CPLX3: variants seen among roughly 807,000 people sequenced by gnomAD.
The protein encoded by CPLX3 is complexin 3, also known as complexin-3.
CPLX3 carries 12 observed loss-of-function variants against 17.2 expected under a neutral mutation model. That is an observed-to-expected ratio of 0.70 (90% CI 0.45 to 1.13). The LOEUF (loss-of-function observed/expected upper bound fraction) is 1.13, where lower values mean the gene tolerates loss of function less well. Ranked by LOEUF, CPLX3 falls within the 50% of genes most tolerant of loss-of-function variation. CPLX3 has a pLI of 0.00. For synonymous variants in CPLX3, 75 were observed against 79.4 expected (o/e 0.94, Z 0.29); for missense variants, 172 against 203.2 (o/e 0.85, Z 0.93).
At chr15:74,827,168 C>T (rs1418028580) in intron 1 of CPLX3, among the ~76,000 whole-genome samples, 2 of 152,206 alleles carry the variant, frequency 1.3e-5, no homozygotes, top group Admixed American at 1.3e-4. Context: ...ACGATAATCC[C>T]TTAATCCGAT....
Position 74,826,632 on chromosome 15 carries a change from T to C in CPLX3, c.-72T>C. 6.0e-6 allele frequency: 9 copies of C among 1,501,706 alleles called. No homozygotes were observed. The highest frequency in any genetic ancestry group is 8.0e-6 in the Non-Finnish European group (9 of 1,118,996). The allele number at this position is 1,501,706 out of a possible 1,614,324, so 93.0% of individuals were successfully genotyped here. Reference sequence around the variant, plus strand: ...GGGAGCTGTCCGCGAAACCTAGTGCTGAAGTAGGCGCGGACGTGCCCGGTG... The same window carrying C: ...GGGAGCTGTCCGCGAAACCTAGTGCCGAAGTAGGCGCGGACGTGCCCGGTG... On this transcript the variant is annotated 5_prime_UTR_variant, in exon 1 of 3. Coordinates refer to ENST00000395018, the MANE Select transcript of CPLX3 (RefSeq NM_001030005.3). The surrounding 1 kb of genome is among the most constrained non-coding windows in gnomAD (Gnocchi z 5.0).
intron 2 of CPLX3, among the ~76,000 whole-genome samples, chr15:74,829,589 C>G (rs1264225268): frequency 6.6e-6 from 1 of 152,170 alleles, no homozygotes; most frequent in Non-Finnish European, 1.5e-5. Flanking sequence ...GCACCCAGCT[C>G]AACGTCTGCC....
At chr15:74,828,211 G>A in intron 2 of CPLX3, 90 bp downstream of exon 2, 1 of 944,680 alleles carries the variant, frequency 1.1e-6, no homozygotes, top group Non-Finnish European at 1.7e-6. Context: ...ACAGCCCTCA[G>A]CTATGAGACT....
Position 74,830,433 on chromosome 15 carries a change from A to C in CPLX3, c.*79A>C, listed in dbSNP as rs952633307. On this transcript the variant is annotated 3_prime_UTR_variant, in exon 3 of 3. Transcript: ENST00000395018. ...GTCAACTTCCAGGGACCCATACTCC[A>C]TTTGGGGCTTTGTTTCCCTTGCCCC... The C allele has an allele frequency of 1.8e-5, 21 of 1,196,754 alleles. No individual in the cohort carries two copies. Among genetic ancestry groups the C allele is most frequent in the South Asian group, 6.9e-5 (5 of 72,472 alleles). The allele number at this position is 1,196,754 out of a possible 1,614,324, so 74.1% of individuals were successfully genotyped here. A position where few individuals can be genotyped will look rare whatever the true frequency, so the allele number is the denominator to read the frequency against.
In CPLX3 at chr15:74,826,856, CGTGGAAGAGA is replaced by C; in HGVS notation, c.154_163del (p.Val52ArgfsTer54). On this transcript the variant is annotated frameshift_variant and splice_region_variant, in exon 1 of 3. Transcript: ENST00000395018. LOFTEE classifies it high-confidence loss of function. This position sits in a 1 kb window ranked among gnomAD's most constrained non-coding sequence, Gnocchi z 5.0. The stretch of plus-strand genomic sequence containing the variant: ...AGTACGAGGAGTATCAGAAGCAACT[CGTGGAAGAGA>C]AGTGAGTGGGATCCCTTCCTGGCTC... The C allele has an allele frequency of 6.3e-7, 1 of 1,598,622 alleles. No individual in the cohort carries two copies. The highest frequency in any genetic ancestry group is 8.5e-7 in the Non-Finnish European group (1 of 1,172,614).
intron 1 of CPLX3, among the ~76,000 whole-genome samples, chr15:74,827,573 G>T (rs545399143): frequency 6.6e-6 from 1 of 152,110 alleles, no homozygotes; most frequent in Non-Finnish European, 1.5e-5. Context: ...CTATTATTTC[G>T]CTCAATCCTG....
chr15:74,828,098 C>G lies in CPLX3; in HGVS notation c.229C>G (p.Arg77Gly). 1 of 1,601,616 alleles carries G rather than the reference C, an allele frequency of 6.2e-7. No homozygotes were observed. The highest frequency in any genetic ancestry group is 1.1e-5 in the South Asian group (1 of 88,828). ...AERATLRSHFRDKYRLPKNET... is the reference protein window; with the variant it reads ...AERATLRSHFGDKYRLPKNET... ...GCGGGCCACACTGCGGAGCCACTTC[C>G]GAGACAAATACCGGCTACCCAAGGT... The change falls in exon 2 of 3, where the codon CGA (arginine) becomes GGA (glycine). Residue 77 changes from arginine to glycine, a missense_variant. Coordinates refer to ENST00000395018, the MANE Select transcript of CPLX3 (RefSeq NM_001030005.3).
rs780059071 is a variant in CPLX3 at position 74,828,041 on chromosome 15, C to T, written c.172C>T (p.Arg58Trp). ...QKQLVEEKMERDAQFTQRKAE... is the reference protein window; with the variant it reads ...QKQLVEEKMEWDAQFTQRKAE... The stretch of plus-strand genomic sequence containing the variant: ...CCTCCGGTGACCCTGCAGGATGGAG[C>T]GGGATGCACAGTTCACACAGAGGAA... Residue 58 changes from arginine to tryptophan, a missense_variant, in exon 2 of 3, where the codon CGG becomes TGG. Coordinates refer to ENST00000395018, the MANE Select transcript of CPLX3 (RefSeq NM_001030005.3). 2.3e-5 allele frequency: 37 copies of T among 1,605,760 alleles called. No homozygotes were observed. The highest frequency in any genetic ancestry group is 2.9e-5 in the Non-Finnish European group (34 of 1,176,016).
At position 74,826,895 on chromosome 15, in the gene CPLX3, C is replaced by A. The variant is rs71399802; in HGVS notation, c.164+28C>A. 6.3e-7 allele frequency: 1 copy of A among 1,586,040 alleles called. No homozygotes were observed. The highest frequency in any genetic ancestry group is 2.4e-5 in the East Asian group (1 of 41,566). ...GAGTGGGATCCCTTCCTGGCTCCAACGACCTCCCCTCCCCACCCCCACAGC... is the reference window on the plus strand; with the variant it reads ...GAGTGGGATCCCTTCCTGGCTCCAAAGACCTCCCCTCCCCACCCCCACAGC... On this transcript the variant is annotated intron_variant, in intron 1 of 2. Coordinates refer to ENST00000395018, the MANE Select transcript of CPLX3 (RefSeq NM_001030005.3). This position sits in a 1 kb window ranked among gnomAD's most constrained non-coding sequence, Gnocchi z 5.0.
rs997320576 is a variant in CPLX3, at chr15:74,830,528, G to A, written c.*174G>A. 4.9e-6 allele frequency: 3 copies of A among 609,076 alleles called. No individual in the cohort carries two copies. The highest frequency in any genetic ancestry group is 4.4e-4 in the Middle Eastern group (1 of 2,254). 37.7% of individuals were successfully genotyped at this position (609,076 alleles called of 1,614,324 possible). A position where few individuals can be genotyped will look rare whatever the true frequency, so the allele number is the denominator to read the frequency against. Reference sequence around the variant, plus strand: ...TCTGGTTTCTTCCTCTCCGCTGGGAGTAAAGTCCCCATCTTCACTCTACCC... The same window carrying A: ...TCTGGTTTCTTCCTCTCCGCTGGGAATAAAGTCCCCATCTTCACTCTACCC... On this transcript the variant is annotated 3_prime_UTR_variant, in exon 3 of 3. Coordinates refer to ENST00000395018, the MANE Select transcript of CPLX3 (RefSeq NM_001030005.3).
intron 1 of CPLX3, 83 bp from the exon 2 acceptor site, chr15:74,827,951 G>A (rs2063950881): frequency 2.6e-6 from 3 of 1,142,766 alleles, no homozygotes; most frequent in Non-Finnish European, 3.9e-6. Flanking sequence ...CTAGGACTCA[G>A]AGACCCCTTC....
chr15:74,828,111 G>A lies in CPLX3; in HGVS notation c.242G>A (p.Arg81Gln), dbSNP rs776442934. 30 of 1,591,548 alleles carry A rather than the reference G, an allele frequency of 1.9e-5. No homozygotes were observed. Among genetic ancestry groups the A allele is most frequent in the East Asian group, 1.1e-4 (5 of 43,842 alleles). ...CGGAGCCACTTCCGAGACAAATACCGGCTACCCAAGGTAAGCTGGCCCCGG... is the reference window on the plus strand; with the variant it reads ...CGGAGCCACTTCCGAGACAAATACCAGCTACCCAAGGTAAGCTGGCCCCGG... Reference protein sequence around the residue: ...TLRSHFRDKYRLPKNETDESQ... With the variant: ...TLRSHFRDKYQLPKNETDESQ... Residue 81 changes from arginine (R) to glutamine (Q), a missense_variant, in exon 2 of 3, where the codon CGG becomes CAG. By Grantham distance (43) the Arg-to-Gln change is conservative (BLOSUM62 1). Coordinates refer to ENST00000395018, the MANE Select transcript of CPLX3 (RefSeq NM_001030005.3).
intron 2 of CPLX3, among the ~76,000 whole-genome samples, chr15:74,828,581 C>A (rs1168848042): frequency 3.3e-5 from 5 of 152,132 alleles, no homozygotes; most frequent in African/African-American, 2.4e-5. Flanking sequence ...ACCTTCATGT[C>A]CTCATCTAAC....
At chr15:74,828,163 C>A in intron 2 of CPLX3, 42 bp downstream of exon 2, 1 of 1,509,654 alleles carries the variant, frequency 6.6e-7, no homozygotes, top group Non-Finnish European at 9.0e-7. Flanking sequence ...GGACCCTGAG[C>A]TCTGGGTTCT....
In CPLX3 at chr15:74,826,832, G is replaced by A. The variant is rs1209239506; in HGVS notation, c.129G>A (p.Glu43=). ...AAEAQGMSRE[E]YEEYQKQLVE... ...AAGCTCAGGGCATGAGCCGGGAGGA[G>A]TACGAGGAGTATCAGAAGCAACTCG... is the stretch of plus-strand genomic sequence containing the variant. Residue 43 remains glutamate (E), a synonymous_variant, in exon 1 of 3, where the codon GAG becomes GAA. Coordinates refer to ENST00000395018, the MANE Select transcript of CPLX3 (RefSeq NM_001030005.3). The surrounding 1 kb of genome is among the most constrained non-coding windows in gnomAD (Gnocchi z 5.0). 6.2e-7 allele frequency: 1 copy of A among 1,604,906 alleles called. No homozygotes were observed. The highest frequency in any genetic ancestry group is 8.5e-7 in the Non-Finnish European group (1 of 1,175,678).
chr15:74,826,938 G>A lies in CPLX3; in HGVS notation c.164+71G>A. On this transcript the variant is annotated intron_variant, in intron 1 of 2. Coordinates refer to ENST00000395018, the MANE Select transcript of CPLX3 (RefSeq NM_001030005.3). The surrounding 1 kb of genome is among the most constrained non-coding windows in gnomAD (Gnocchi z 5.0). ...CCCACAGCTGCTCAGTCCATCCCCG[G>A]GCCAGCCTCAGGTCCCAATCCCTTC... 7.0e-7 allele frequency: 1 copy of A among 1,419,612 alleles called. No individual in the cohort carries two copies. The highest frequency in any genetic ancestry group is 9.6e-7 in the Non-Finnish European group (1 of 1,043,228). The allele number at this position is 1,419,612 out of a possible 1,614,324, so 87.9% of individuals were successfully genotyped here. A position where few individuals can be genotyped will look rare whatever the true frequency, so the allele number is the denominator to read the frequency against.
rs369575878 is a variant in CPLX3 at position 74,830,126 on chromosome 15, T to C, written c.253-4T>C. The C allele has an allele frequency of 6.2e-6, 10 of 1,612,980 alleles. No homozygotes were observed. The East Asian group carries it at 2.0e-4, about 32-fold the overall frequency. ...CCCACCCCCTCTTCCCCTCTTCCCTTCAGAACGAGACAGATGAGAGCCAGA... is the reference window on the plus strand; with the variant it reads ...CCCACCCCCTCTTCCCCTCTTCCCTCCAGAACGAGACAGATGAGAGCCAGA... On this transcript the variant is annotated splice_region_variant and splice_polypyrimidine_tract_variant and intron_variant, in intron 2 of 2. Coordinates refer to ENST00000395018, the MANE Select transcript of CPLX3 (RefSeq NM_001030005.3).
At chr15:74,829,825 G>A (rs2063959992) in intron 2 of CPLX3, among the ~76,000 whole-genome samples, 1 of 152,044 alleles carries the variant, frequency 6.6e-6, no homozygotes, top group African/African-American at 2.4e-5. Flanking sequence ...TTGATCCTGG[G>A]ATGTGGGGGT....
At chr15:74,828,252 C>A in intron 2 of CPLX3, 131 bp downstream of exon 2, 1 of 722,478 alleles carries the variant, frequency 1.4e-6, no homozygotes, top group Non-Finnish European at 2.4e-6. Flanking sequence ...CCTTCCTTCT[C>A]ATTCATTTGT....
Sources: allele counts gnomAD v4.1 joint callset (sites outside exome capture counted in the v4.1 genomes callset), GRCh38; gene constraint gnomAD v4.1.1; non-coding constraint Gnocchi (gnomAD v3.1); transcripts MANE v1.5; gene names NCBI Gene and HGNC (gene_info 2026-07-23, HGNC 2026-07-21).